PRKN: variants seen among roughly 807,000 people sequenced by gnomAD.
The protein encoded by PRKN is parkin RBR E3 ubiquitin protein ligase, also known as E3 ubiquitin-protein ligase parkin.
PRKN carries 56 observed loss-of-function variants against 59.5 expected under a neutral mutation model. That is an observed-to-expected ratio of 0.94 (90% CI 0.76 to 1.18). The LOEUF is 1.18. Among genes scored for constraint, PRKN ranks in the 50% most tolerant of loss-of-function variants. PRKN has a pLI of 0.00. For missense variants in PRKN, 657 were observed against 596.4 expected (o/e 1.10, Z -1.06); for synonymous variants, 250 against 222.1 (o/e 1.13, Z -1.12).
intron 10 of PRKN, among the ~76,000 whole-genome samples, chr6:161,375,803 G>A (rs1301553350): frequency 6.6e-6 from 1 of 152,208 alleles, no homozygotes; most frequent in Non-Finnish European, 1.5e-5. Flanking sequence ...GCTTTTCACA[G>A]CGCAAGGCCG....
intron 5 of PRKN, among the ~76,000 whole-genome samples, chr6:162,027,163 A>T (rs1783467620): frequency 6.6e-6 from 1 of 152,152 alleles, no homozygotes; most frequent in Non-Finnish European, 1.5e-5. Context: ...GTCAATCGTT[A>T]GTGTTTCAAG....
intron 5 of PRKN, among the ~76,000 whole-genome samples, chr6:162,046,148 T>C (rs1432542950): frequency 6.6e-6 from 1 of 152,232 alleles, no homozygotes; most frequent in East Asian, 1.9e-4. Context: ...GTTGTTTCTT[T>C]GTTTTCAGGG....
intron 1 of PRKN, among the ~76,000 whole-genome samples, chr6:162,646,231 T>C (rs536236299): frequency 1.3e-5 from 2 of 150,884 alleles, no homozygotes; most frequent in Non-Finnish European, 2.9e-5. Flanking sequence ...AAACCAAACA[T>C]ATAAAATAAA....
Position 161,904,308 on chromosome 6 carries a change from G to GTTT in PRKN, c.734+68993_734+68994insAAA, listed in dbSNP as rs770741689. ...TGTTGGCTTGTTTTCGAATTTGTGG[G>GTTT]GTTTTTTTTTTTTTTTTTTTTTTTT... is the stretch of plus-strand genomic sequence containing the variant. On this transcript the variant is annotated intron_variant, in intron 6 of 11. Coordinates refer to ENST00000366898, the MANE Select transcript of PRKN (RefSeq NM_004562.3). Among the ~76,000 whole-genome samples the GTTT allele has an allele frequency of 9.2e-4, 105 of 114,432 alleles. 1 individual carries two copies. Among genetic ancestry groups the GTTT allele is most frequent in the Non-Finnish European group, 1.1e-3 (62 of 56,922 alleles). The allele number at this position is 114,432 out of a possible 152,430, so 75.1% of individuals were successfully genotyped here.
chr6:161,615,173 T>A (rs913647249), intron 7 of PRKN, among the ~76,000 whole-genome samples: 1 of 152,182 alleles, frequency 6.6e-6, no homozygotes, highest in Non-Finnish European at 1.5e-5. Flanking sequence ...TTTAATGAGA[T>A]GATAAGCATA....
At chr6:162,719,907 A>T (rs79144528) in intron 1 of PRKN, among the ~76,000 whole-genome samples, 3 of 6,000 alleles carry the variant, frequency 5.0e-4, no homozygotes, top group African/African-American at 3.0e-3. Context: ...AAAAAAAAAA[A>T]AAAAAAAAAA....
chr6:162,215,757 T>A (rs113016186), intron 3 of PRKN, among the ~76,000 whole-genome samples: 6 of 152,136 alleles, frequency 3.9e-5, no homozygotes, highest in African/African-American at 1.4e-4. Context: ...GAAATAAAAA[T>A]GAGGGGCAGG....
chr6:162,269,383 G>A (rs759891863), intron 2 of PRKN, among the ~76,000 whole-genome samples: 2 of 152,164 alleles, frequency 1.3e-5, no homozygotes, highest in Non-Finnish European at 2.9e-5. Flanking sequence ...CATTCCAGAT[G>A]GCGTTAGTAA....
chr6:162,128,273 G>C (rs1781200342), intron 4 of PRKN, among the ~76,000 whole-genome samples: 1 of 152,188 alleles, frequency 6.6e-6, no homozygotes, highest in South Asian at 2.1e-4. Flanking sequence ...AAAGTGTGAA[G>C]TGGATGGTAA....
chr6:162,239,578 C>T (rs750399665), intron 3 of PRKN, among the ~76,000 whole-genome samples: 12 of 151,972 alleles, frequency 7.9e-5, no homozygotes, highest in Non-Finnish European at 1.3e-4. Flanking sequence ...AGTTGAGGAG[C>T]GTCTCAACTG....
At chr6:162,437,016 C>T (rs1461043193) in intron 2 of PRKN, among the ~76,000 whole-genome samples, 3 of 151,834 alleles carry the variant, frequency 2.0e-5, no homozygotes, top group Non-Finnish European at 4.4e-5. Context: ...CGCTTGAACC[C>T]GGGAGGCGGA....
At chr6:162,702,656 C>T (rs1317517389) in intron 1 of PRKN, among the ~76,000 whole-genome samples, 3 of 152,142 alleles carry the variant, frequency 2.0e-5, no homozygotes, top group African/African-American at 7.2e-5. Context: ...CTTTCTGATT[C>T]GTGCATTGCA....
At chr6:162,012,915 G>T (rs1452831064) in intron 5 of PRKN, among the ~76,000 whole-genome samples, 1 of 152,080 alleles carries the variant, frequency 6.6e-6, no homozygotes, top group Admixed American at 6.6e-5. Context: ...GGTTCAGGTG[G>T]TTCCTGCCAG....
chr6:162,380,885 T>C (rs892596775), intron 2 of PRKN, among the ~76,000 whole-genome samples: 7 of 152,058 alleles, frequency 4.6e-5, no homozygotes, highest in Non-Finnish European at 8.8e-5. Context: ...CTATGGGCAG[T>C]CTTTCTGGGC....
chr6:162,638,078 GAA>G (rs1321854994), intron 1 of PRKN, among the ~76,000 whole-genome samples: 3 of 151,544 alleles, frequency 2.0e-5, no homozygotes, highest in African/African-American at 7.2e-5. Flanking sequence ...AAAAATAAAA[GAA>G]ATGCTGAAAT....
chr6:162,487,493 T>C (rs2128183953), intron 1 of PRKN, among the ~76,000 whole-genome samples: 1 of 152,324 alleles, frequency 6.6e-6, no homozygotes, highest in Non-Finnish European at 1.5e-5. Flanking sequence ...TCATCACTTT[T>C]TATGATTTTC....
intron 1 of PRKN, among the ~76,000 whole-genome samples, chr6:162,587,516 T>C (rs1583860044): frequency 6.6e-6 from 1 of 152,114 alleles, no homozygotes; most frequent in East Asian, 1.9e-4. Context: ...TGGTAGCAAC[T>C]ATCAAAAATA....
At chr6:161,790,634 C>T (rs535424092) in intron 6 of PRKN, among the ~76,000 whole-genome samples, 10 of 152,230 alleles carry the variant, frequency 6.6e-5, no homozygotes, top group South Asian at 2.1e-4. Flanking sequence ...GAGAAGCCAC[C>T]GTCTATGAAC....
intron 5 of PRKN, among the ~76,000 whole-genome samples, chr6:162,002,554 T>C (rs1001063789): frequency 2.7e-5 from 4 of 147,578 alleles, no homozygotes; most frequent in South Asian, 2.2e-4. Flanking sequence ...GATAGTCTTA[T>C]TGATTTTTTA....
Sources: gnomAD v4.1 joint callset for allele counts (sites outside exome capture counted in the v4.1 genomes callset) on GRCh38, gnomAD v4.1.1 for gene constraint, MANE v1.5 for transcripts, NCBI Gene and HGNC (gene_info 2026-07-23, HGNC 2026-07-21) for gene names.